GSE1: variants seen among roughly 807,000 people sequenced by gnomAD.
GSE1 encodes the protein Gse1 coiled-coil protein.
A neutral mutation model predicts 112.6 loss-of-function variants in GSE1; 32 were observed. The ratio of observed to expected loss-of-function variants is 0.28; its 90% CI spans 0.21 to 0.38. The LOEUF (loss-of-function observed/expected upper bound fraction) is 0.38. Ranked by LOEUF, GSE1 falls within the 10% of genes least tolerant of loss-of-function variation. The pLI is 1.00. For missense variants in GSE1, 2,348 were observed against 1,699.2 expected (o/e 1.38, Z -6.71); for synonymous variants, 1,115 against 735.6 (o/e 1.52, Z -8.35).
At chr16:85,531,319 A>G (rs2044127963) in intron 2 of GSE1, among the ~76,000 whole-genome samples, 1 of 152,140 alleles carries the variant, frequency 6.6e-6, no homozygotes. Context: ...GAGAGGTCAG[A>G]TGGTGGCCGT....
intron 1 of GSE1, among the ~76,000 whole-genome samples, chr16:85,293,781 C>T (rs1370054907): frequency 6.6e-6 from 1 of 152,124 alleles, no homozygotes; most frequent in African/African-American, 2.4e-5. Flanking sequence ...TCGCTGTGAT[C>T]GCTGCCTCTG....
At chr16:85,400,092 C>T (rs2048061144) in intron 2 of GSE1, among the ~76,000 whole-genome samples, 1 of 152,226 alleles carries the variant, frequency 6.6e-6, no homozygotes, top group Admixed American at 6.5e-5. Context: ...CTGCTGACAC[C>T]TGCGTCTTCG....
Position 85,673,184 on chromosome 16 carries a change from T to A in GSE1, c.*645T>A, listed in dbSNP as rs960036729. ...ACCAATTCACAAACTGAAGGTAGCT[T>A]TTTATTACTCCGTGGGGAGCATGTA... On this transcript the variant is annotated 3_prime_UTR_variant, in exon 16 of 16. Coordinates refer to ENST00000253458, the MANE Select transcript of GSE1 (RefSeq NM_014615.5). The A allele has an allele frequency of 1.3e-5, 2 of 152,606 alleles. No homozygotes were observed. Among genetic ancestry groups the A allele is most frequent in the Non-Finnish European group, 2.9e-5 (2 of 68,064 alleles). The allele number at this position is 152,606 out of a possible 1,614,324, so 9.5% of individuals were successfully genotyped here. A position where few individuals can be genotyped will look rare whatever the true frequency, so the allele number is the denominator to read the frequency against.
chr16:85,546,486 G>A (rs753797717), intron 2 of GSE1, among the ~76,000 whole-genome samples: 20 of 152,214 alleles, frequency 1.3e-4, no homozygotes, highest in Non-Finnish European at 2.8e-4. Flanking sequence ...TATTTCTCAA[G>A]GACACACCCA....
rs111469606 is a variant in GSE1 at position 85,220,182 on chromosome 16, C to T, written c.2283+48375C>T. ...TTTCCCCTCTGGGCCAGAAGCAGCT[C>T]GGCGTTACCCCGCACCTGGGATTTC... is the stretch of plus-strand genomic sequence containing the variant. On this transcript the variant is annotated intron_variant, in intron 1 of 2. Coordinates refer to the GSE1 transcript ENST00000637419. Among the ~76,000 whole-genome samples the T allele has an allele frequency of 4.0e-3, 610 of 152,358 alleles. 1 individual carries two copies. Among genetic ancestry groups the T allele is most frequent in the African/African-American group, 0.014 (584 of 41,584 alleles).
intron 1 of GSE1, among the ~76,000 whole-genome samples, chr16:85,578,265 G>A (rs918917927): frequency 6.6e-6 from 1 of 152,230 alleles, no homozygotes; most frequent in Non-Finnish European, 1.5e-5. Context: ...TGGCTGGAGG[G>A]ATAAATTACC....
At chr16:85,323,320 A>G (rs537044067) in intron 1 of GSE1, among the ~76,000 whole-genome samples, 9 of 152,146 alleles carry the variant, frequency 5.9e-5, no homozygotes, top group Non-Finnish European at 1.2e-4. Flanking sequence ...AGACCACGAA[A>G]TGGCAAGATA....
At chr16:85,281,019 C>G (rs2044841884) in intron 1 of GSE1, among the ~76,000 whole-genome samples, 1 of 152,174 alleles carries the variant, frequency 6.6e-6, no homozygotes, top group Non-Finnish European at 1.5e-5. Context: ...CCCCATGTCT[C>G]TGATGGGTTG....
intron 1 of GSE1, among the ~76,000 whole-genome samples, chr16:85,577,292 C>T (rs1425700011): frequency 6.6e-6 from 1 of 152,218 alleles, no homozygotes; most frequent in Non-Finnish European, 1.5e-5. Context: ...TGGTGATCAC[C>T]TCGAGGAGGG....
intron 2 of GSE1, among the ~76,000 whole-genome samples, chr16:85,390,086 T>C (rs367638303): frequency 2.6e-5 from 4 of 152,212 alleles, no homozygotes; most frequent in African/African-American, 7.2e-5. Context: ...ACAGATTATT[T>C]CTTTATCTAT....
intron 2 of GSE1, among the ~76,000 whole-genome samples, chr16:85,456,579 C>CGTGTGTGTGTGTGT (rs35279881): frequency 0.011 from 1,037 of 91,504 alleles, 38 homozygotes; most frequent in Middle Eastern, 0.016. Context: ...ATTTTCCTGC[C>CGTGTGTGTGTGTGT]GTGTGTGTGT....
chr16:85,227,291 C>T (rs540798734), intron 1 of GSE1, among the ~76,000 whole-genome samples: 5 of 152,330 alleles, frequency 3.3e-5, no homozygotes, highest in African/African-American at 1.2e-4. Flanking sequence ...GTTAGTCATC[C>T]TGCAGTGGTT....
chr16:85,347,074 G>T lies in GSE1; in HGVS notation c.2284-10389G>T, dbSNP rs146902934. 1.4e-3 allele frequency among the ~76,000 whole-genome samples: 213 copies of T among 152,306 alleles called. 1 individual carries two copies. The East Asian group carries it at 0.031, about 22-fold the overall frequency. The stretch of plus-strand genomic sequence containing the variant: ...GTAAGGGGTTGGCGGGATAAGTGTG[G>T]TGTTTCAGGAAGGCCGCTGCTCGGT... On this transcript the variant is annotated intron_variant, in intron 1 of 2. Transcript: ENST00000637419.
intron 1 of GSE1, among the ~76,000 whole-genome samples, chr16:85,199,712 A>G (rs1368008361): frequency 2.0e-5 from 3 of 152,162 alleles, no homozygotes; most frequent in African/African-American, 4.8e-5. Context: ...TCAGGATCCA[A>G]AAAGGATGAC....
intron 1 of GSE1, among the ~76,000 whole-genome samples, chr16:85,244,803 C>A (rs1905456771): frequency 6.6e-6 from 1 of 151,976 alleles, no homozygotes; most frequent in Non-Finnish European, 1.5e-5. Flanking sequence ...CCAGCCTGGC[C>A]AACATGGTGA....
intron 1 of GSE1, among the ~76,000 whole-genome samples, chr16:85,304,606 G>T (rs1458801058): frequency 3.0e-5 from 4 of 133,810 alleles, no homozygotes; most frequent in East Asian, 2.7e-4. Context: ...GGGGGCGGGG[G>T]GGTGGGGCAT....
chr16:85,577,114 G>A (rs1031201027), intron 1 of GSE1, among the ~76,000 whole-genome samples: 7 of 151,144 alleles, frequency 4.6e-5, no homozygotes, highest in African/African-American at 7.3e-5. Context: ...CACCCGGCCA[G>A]GGGCATCACA....
chr16:85,221,312 G>T (rs896218876), intron 1 of GSE1, among the ~76,000 whole-genome samples: 1 of 137,760 alleles, frequency 7.3e-6, no homozygotes, highest in Non-Finnish European at 1.6e-5. Context: ...TCCCTAGCGC[G>T]CACACACACA....
chr16:85,426,763 G>T (rs1171218112), intron 2 of GSE1, among the ~76,000 whole-genome samples: 4 of 152,192 alleles, frequency 2.6e-5, no homozygotes, highest in Admixed American at 1.3e-4. Context: ...ATGAACCACA[G>T]AAAAATATCC....
Sources: gnomAD v4.1 joint callset for allele counts (sites outside exome capture counted in the v4.1 genomes callset) on GRCh38, gnomAD v4.1.1 for gene constraint, MANE v1.5 for transcripts, NCBI Gene and HGNC (gene_info 2026-07-23, HGNC 2026-07-21) for gene names.